MTHFD2: variants seen among roughly 807,000 people sequenced by gnomAD.
MTHFD2 encodes the protein bifunctional methylenetetrahydrofolate dehydrogenase/cyclohydrolase, mitochondrial.
Under a neutral mutation model 36.8 loss-of-function variants are expected in MTHFD2, and 26 were observed. The observed-to-expected ratio is 0.71, with a 90% confidence interval of 0.52 to 0.98. The LOEUF is 0.98. Ranked by LOEUF, MTHFD2 falls within the 50% of genes least tolerant of loss-of-function variation. The pLI is 0.00. For missense variants in MTHFD2, 373 were observed against 434.0 expected (o/e 0.86, Z 1.25); for synonymous variants, 164 against 155.2 (o/e 1.06, Z -0.42).
Position 74,198,645 on chromosome 2 carries a change from G to GCTGCGACTTCTCTAATGT in MTHFD2, c.9_26dup (p.Thr4_Ala9dup), listed in dbSNP as rs1693956808. On this transcript the variant is annotated inframe_insertion, in exon 1 of 8. Coordinates refer to ENST00000394053, the MANE Select transcript of MTHFD2 (RefSeq NM_006636.4). ...GGCGCAGTCACCGGCGCGGTCTATGGCTGCGACTTCTCTAATGTCTGCTTT... is the reference window on the plus strand; with the variant it reads ...GGCGCAGTCACCGGCGCGGTCTATGGCTGCGACTTCTCTAATGTCTGCGACTTCTCTAATGTCTGCTTT... 1 of 1,608,136 alleles carries GCTGCGACTTCTCTAATGT rather than the reference G, an allele frequency of 6.2e-7. No homozygotes were observed. The highest frequency in any genetic ancestry group is 1.3e-5 in the African/African-American group (1 of 74,698).
chr2:74,214,055 C>G (rs759384005), intron 7 of MTHFD2, 24 bp from the exon 8 acceptor site: 1 of 1,605,894 alleles, frequency 6.2e-7, no homozygotes, highest in Non-Finnish European at 8.5e-7. Context: ...ACTAAAGCAG[C>G]CTGCCTGTCT....
intron 1 of MTHFD2, among the ~76,000 whole-genome samples, chr2:74,201,616 A>G (rs1029109049): frequency 6.6e-6 from 1 of 152,184 alleles, no homozygotes; most frequent in Non-Finnish European, 1.5e-5. Context: ...TGGGATTACA[A>G]GGCCTGTGCC....
chr2:74,200,456 A>G (rs1015803473), intron 1 of MTHFD2, among the ~76,000 whole-genome samples: 1 of 151,782 alleles, frequency 6.6e-6, no homozygotes, highest in Non-Finnish European at 1.5e-5. Flanking sequence ...TTGCTTTCTT[A>G]CTGCTGCTTA....
At chr2:74,213,939 T>G (rs1558858524) in intron 7 of MTHFD2, 140 bp from the exon 8 acceptor site, 1 of 848,630 alleles carries the variant, frequency 1.2e-6, no homozygotes, top group African/African-American at 1.7e-5. Context: ...TCACAAAACC[T>G]TGAATGATGT....
intron 1 of MTHFD2, among the ~76,000 whole-genome samples, chr2:74,201,091 T>C (rs1433538885): frequency 2.0e-5 from 3 of 152,108 alleles, no homozygotes; most frequent in Non-Finnish European, 4.4e-5. Flanking sequence ...GGGTTCAAGC[T>C]GTTCTCCTAC....
intron 6 of MTHFD2, 111 bp downstream of exon 6, chr2:74,211,402 ATTCTT>A: frequency 1.4e-6 from 1 of 694,980 alleles, no homozygotes; most frequent in Non-Finnish European, 2.4e-6. Context: ...CCTTGTAATG[ATTCTT>A]TGAGCTGCCT....
intron 6 of MTHFD2, 47 bp from the exon 7 acceptor site, chr2:74,211,690 CAGGT>C: frequency 6.6e-7 from 1 of 1,522,740 alleles, no homozygotes; most frequent in Non-Finnish European, 8.8e-7. Context: ...AAGAATCTGA[CAGGT>C]AGACTGTTTT....
At chr2:74,208,446 T>C in intron 3 of MTHFD2, 123 bp from the exon 4 acceptor site, 2 of 1,122,246 alleles carry the variant, frequency 1.8e-6, no homozygotes, top group South Asian at 3.0e-5. Flanking sequence ...TCCATGCAGA[T>C]GAAGTACATC....
chr2:74,205,118 C>T (rs533417417), intron 1 of MTHFD2, among the ~76,000 whole-genome samples: 6 of 151,992 alleles, frequency 3.9e-5, no homozygotes, highest in South Asian at 2.1e-4. Context: ...CCATCGTGCC[C>T]GGCCTATATT....
In MTHFD2 at chr2:74,217,275, C is replaced by T. The variant is rs993090392; in HGVS notation, c.*3033C>T. On this transcript the variant is annotated 3_prime_UTR_variant, in exon 8 of 8. Transcript: ENST00000394053. ...TTGGAGAAAGTAAGTGTCAGATGCA[C>T]TGTGGCTGTCAGGGTCATAGTAGGC... 3.3e-5 allele frequency: 5 copies of T among 152,148 alleles called. No homozygotes were observed. The highest frequency in any genetic ancestry group is 1.2e-4 in the African/African-American group (5 of 41,416). 9.4% of individuals were successfully genotyped at this position (152,148 alleles called of 1,614,324 possible).
intron 1 of MTHFD2, among the ~76,000 whole-genome samples, chr2:74,204,040 A>G (rs1694120646): frequency 6.6e-6 from 1 of 151,808 alleles, no homozygotes; most frequent in African/African-American, 2.4e-5. Context: ...CAGCCTCCTG[A>G]GTAGCTGGGA....
At chr2:74,213,313 G>C (rs553782117) in intron 7 of MTHFD2, among the ~76,000 whole-genome samples, 41 of 105,920 alleles carry the variant, frequency 3.9e-4, no homozygotes, top group African/African-American at 1.3e-3. Flanking sequence ...ATCCCTCTCT[G>C]TTGCCCAGGC....
intron 1 of MTHFD2, among the ~76,000 whole-genome samples, chr2:74,203,549 C>T (rs1228752237): frequency 6.6e-6 from 1 of 152,072 alleles, no homozygotes; most frequent in Admixed American, 6.6e-5. Context: ...GAGGCAAAAG[C>T]TGGAGAATTG....
intron 7 of MTHFD2, among the ~76,000 whole-genome samples, chr2:74,212,535 C>T (rs562264302): frequency 1.1e-3 from 163 of 150,966 alleles, no homozygotes; most frequent in Non-Finnish European, 1.7e-3. Context: ...CCCAAAGTGC[C>T]GGGATTACAG....
rs1354675114 is a variant in MTHFD2, at chr2:74,215,067, C to T, written c.*825C>T. The T allele has an allele frequency of 2.0e-5, 3 of 152,578 alleles. No homozygotes were observed. Among genetic ancestry groups the T allele is most frequent in the African/African-American group, 7.2e-5 (3 of 41,438 alleles). 9.5% of individuals were successfully genotyped at this position (152,578 alleles called of 1,614,324 possible). A position where few individuals can be genotyped will look rare whatever the true frequency, so the allele number is the denominator to read the frequency against. On this transcript the variant is annotated 3_prime_UTR_variant, in exon 8 of 8. Transcript: ENST00000394053. Reference sequence around the variant, plus strand: ...TATCTTAAAACCTATTTTTGAAAAACAAACTTGGCTTGATAATCATTTGGG... The same window carrying T: ...TATCTTAAAACCTATTTTTGAAAAATAAACTTGGCTTGATAATCATTTGGG...
In MTHFD2 at chr2:74,210,495, T is replaced by C. The variant is rs181540001; in HGVS notation, c.670+446T>C. 1.4e-3 allele frequency among the ~76,000 whole-genome samples: 216 copies of C among 152,324 alleles called. 3 individuals are homozygous for C. Among genetic ancestry groups the C allele is most frequent in the African/African-American group, 4.5e-3 (188 of 41,572 alleles). On this transcript the variant is annotated intron_variant, in intron 5 of 7. Coordinates refer to ENST00000394053, the MANE Select transcript of MTHFD2 (RefSeq NM_006636.4). ...GCCTCGTCAATCAGTTATCACATAA[T>C]TATTGTAATAATGACCTTACATGAT...
rs369717981 is a variant in MTHFD2 at position 74,203,906 on chromosome 2, G to GTTTAGTTTAGTTTAGTTTAGTTAGT, written c.102-1797_102-1796insTAGTTTAGTTTAGTTTAGTTAGTTT. ...GTTTAGTTTAGTTTAGTTTAGTTTA[G>GTTTAGTTTAGTTTAGTTTAGTTAGT]TTAGTTTAGTTTAGTTTAGTTTTTT... On this transcript the variant is annotated intron_variant, in intron 1 of 7. Coordinates refer to ENST00000394053, the MANE Select transcript of MTHFD2 (RefSeq NM_006636.4). 1.2e-3 allele frequency among the ~76,000 whole-genome samples: 35 copies of GTTTAGTTTAGTTTAGTTTAGTTAGT among 29,530 alleles called. 1 individual carries two copies. Among genetic ancestry groups the GTTTAGTTTAGTTTAGTTTAGTTAGT allele is most frequent in the East Asian group, 8.8e-3 (10 of 1,136 alleles). 19.4% of individuals were successfully genotyped at this position (29,530 alleles called of 152,430 possible).
chr2:74,206,437 C>T (rs1694181062), intron 2 of MTHFD2: 1 of 152,430 alleles, frequency 6.6e-6, no homozygotes, highest in Non-Finnish European at 1.5e-5. Flanking sequence ...GGTTTGTGTT[C>T]TAGGTCTCAC....
At chr2:74,212,260 TCTC>T (rs1330084389) in intron 7 of MTHFD2, among the ~76,000 whole-genome samples, 5 of 96,884 alleles carry the variant, frequency 5.2e-5, no homozygotes, top group Non-Finnish European at 9.1e-5. Context: ...TTCGTTTCTT[TCTC>T]TTTTTTTTTT....
Sources: gnomAD v4.1 joint callset for allele counts (sites outside exome capture counted in the v4.1 genomes callset) on GRCh38, gnomAD v4.1.1 for gene constraint, MANE v1.5 for transcripts, NCBI Gene and HGNC (gene_info 2026-07-23, HGNC 2026-07-21) for gene names.